COX7B2: variants seen among roughly 807,000 people sequenced by gnomAD.
The protein encoded by COX7B2 is cytochrome c oxidase subunit 7B2, mitochondrial.
For synonymous variants in COX7B2, 37 were observed against 32.1 expected (o/e 1.15, Z -0.51); for missense variants, 109 against 95.9 (o/e 1.14, Z -0.57).
At chr4:46,782,977 G>A (rs564620767) in intron 2 of COX7B2, among the ~76,000 whole-genome samples, 6 of 152,172 alleles carry the variant, frequency 3.9e-5, no homozygotes, top group Admixed American at 1.3e-4. Context: ...CACCAATTCC[G>A]GACATAATAC....
At chr4:46,743,387 T>C (rs890997448) in intron 2 of COX7B2, among the ~76,000 whole-genome samples, 2 of 152,172 alleles carry the variant, frequency 1.3e-5, no homozygotes, top group African/African-American at 4.8e-5. Context: ...CTCATGCTAA[T>C]GGAACTCTCA....
At chr4:46,799,966 C>T (rs1718565559) in intron 2 of COX7B2, among the ~76,000 whole-genome samples, 1 of 152,096 alleles carries the variant, frequency 6.6e-6, no homozygotes, top group African/African-American at 2.4e-5. Flanking sequence ...GGCTGTGAAT[C>T]TGTCAGGTTC....
At chr4:46,846,895 G>A (rs1270002282) in intron 1 of COX7B2, among the ~76,000 whole-genome samples, 1 of 151,970 alleles carries the variant, frequency 6.6e-6, no homozygotes, top group Non-Finnish European at 1.5e-5. Context: ...GGCATTTAGT[G>A]AGGCTAGAAG....
intron 2 of COX7B2, among the ~76,000 whole-genome samples, chr4:46,773,710 A>G (rs1446869413): frequency 6.6e-6 from 1 of 152,142 alleles, no homozygotes; most frequent in African/African-American, 2.4e-5. Context: ...TTCTGGATCT[A>G]ATTTTTTAGA....
In COX7B2 at chr4:46,801,194, A is replaced by G. The variant is rs913709409; in HGVS notation, c.-50+43766T>C. 3.9e-5 allele frequency among the ~76,000 whole-genome samples: 6 copies of G among 152,156 alleles called. No individual in the cohort carries two copies. In the South Asian group the frequency reaches 1.2e-3, roughly 32 times the overall value. On this transcript the variant is annotated intron_variant, in intron 2 of 2. Coordinates refer to ENST00000355591, the MANE Select transcript of COX7B2 (RefSeq NM_130902.3). The stretch of plus-strand genomic sequence containing the variant: ...AAGCAGTTTCAAGATTTCCCAAAGA[A>G]CTTAGAACTACCATTTAACCCAGTG...
chr4:46,743,151 C>A (rs1714812687), intron 2 of COX7B2, among the ~76,000 whole-genome samples: 1 of 152,130 alleles, frequency 6.6e-6, no homozygotes, highest in African/African-American at 2.4e-5. Flanking sequence ...TTATTTTGTT[C>A]ATTATTAAAC....
intron 1 of COX7B2, among the ~76,000 whole-genome samples, chr4:46,871,881 A>C (rs1268651569): frequency 6.6e-6 from 1 of 152,158 alleles, no homozygotes; most frequent in East Asian, 1.9e-4. Context: ...TGGGAGTGTA[A>C]ATTATTCCAA....
At chr4:46,738,731 G>C (rs1318372098) in intron 2 of COX7B2, among the ~76,000 whole-genome samples, 1 of 151,842 alleles carries the variant, frequency 6.6e-6, no homozygotes, top group Admixed American at 6.6e-5. Context: ...TAATATAGTA[G>C]GTAAAGGAAA....
chr4:46,803,234 G>GT (rs757319776), intron 2 of COX7B2, among the ~76,000 whole-genome samples: 1 of 152,142 alleles, frequency 6.6e-6, no homozygotes, highest in African/African-American at 2.4e-5. Context: ...GATCTCAGTA[G>GT]TTTGAGGCTT....
At chr4:46,859,079 A>G (rs1247018433) in intron 1 of COX7B2, among the ~76,000 whole-genome samples, 1 of 152,212 alleles carries the variant, frequency 6.6e-6, no homozygotes, top group Non-Finnish European at 1.5e-5. Context: ...GTGGATGAGT[A>G]TGAGGAAGAA....
At position 46,894,244 on chromosome 4, in the gene COX7B2, A is replaced by C. The variant is rs1470280116; in HGVS notation, c.-105+14916T>G. On this transcript the variant is annotated intron_variant, in intron 1 of 2. Coordinates refer to ENST00000355591, the MANE Select transcript of COX7B2 (RefSeq NM_130902.3). ...GAAAGGAACAAAGCTGAAAATATTCATGTTACCCGACTTCAATACCCATAT... is the reference window on the plus strand; with the variant it reads ...GAAAGGAACAAAGCTGAAAATATTCCTGTTACCCGACTTCAATACCCATAT... Among the ~76,000 whole-genome samples, 4 of 152,254 alleles carry C rather than the reference A, an allele frequency of 2.6e-5. No individual in the cohort carries two copies. The South Asian group carries it at 8.3e-4, about 32-fold the overall frequency.
chr4:46,908,043 G>A (rs916949390), intron 1 of COX7B2, among the ~76,000 whole-genome samples: 3 of 151,652 alleles, frequency 2.0e-5, no homozygotes, highest in Non-Finnish European at 4.4e-5. Context: ...TAGTAGAGAT[G>A]CGTTTCACCC....
At chr4:46,834,290 A>G (rs1715363615) in intron 2 of COX7B2, among the ~76,000 whole-genome samples, 1 of 152,086 alleles carries the variant, frequency 6.6e-6, no homozygotes. Context: ...GGTAATACAA[A>G]CAGGAATGAA....
At chr4:46,879,541 G>C (rs144723920) in intron 1 of COX7B2, among the ~76,000 whole-genome samples, 1 of 151,168 alleles carries the variant, frequency 6.6e-6, no homozygotes, top group Non-Finnish European at 1.5e-5. Context: ...GTAAATTATA[G>C]GCTGGAGCCA....
intron 2 of COX7B2, among the ~76,000 whole-genome samples, chr4:46,754,619 A>G (rs1191351897): frequency 1.3e-5 from 2 of 148,838 alleles, no homozygotes; most frequent in Non-Finnish European, 3.0e-5. Context: ...GCAGCACATC[A>G]TCACGGGGCA....
At chr4:46,807,853 G>T (rs1719082961) in intron 2 of COX7B2, among the ~76,000 whole-genome samples, 1 of 151,860 alleles carries the variant, frequency 6.6e-6, no homozygotes, top group Admixed American at 6.6e-5. Context: ...GTTTATTTCT[G>T]GGGTCTCTAT....
At chr4:46,823,167 T>G (rs1281630747) in intron 2 of COX7B2, among the ~76,000 whole-genome samples, 1 of 152,038 alleles carries the variant, frequency 6.6e-6, no homozygotes, top group Non-Finnish European at 1.5e-5. Flanking sequence ...AACAGTGGCC[T>G]CCAAGGTTCT....
At chr4:46,792,118 C>T (rs930657566) in intron 2 of COX7B2, among the ~76,000 whole-genome samples, 4 of 152,140 alleles carry the variant, frequency 2.6e-5, no homozygotes, top group Non-Finnish European at 4.4e-5. Flanking sequence ...GATCAGGGAT[C>T]ATTTATGGTG....
intron 2 of COX7B2, among the ~76,000 whole-genome samples, chr4:46,780,472 G>A (rs962379542): frequency 5.3e-5 from 8 of 152,248 alleles, no homozygotes; most frequent in South Asian, 2.1e-4. Context: ...AGCCAAGATC[G>A]TGCCACTGCA....
Sources: gnomAD v4.1 joint callset for allele counts (sites outside exome capture counted in the v4.1 genomes callset) on GRCh38, gnomAD v4.1.1 for gene constraint, MANE v1.5 for transcripts, NCBI Gene and HGNC (gene_info 2026-07-23, HGNC 2026-07-21) for gene names.